GPC5: variants seen among roughly 807,000 people sequenced by gnomAD.
The protein encoded by GPC5 is glypican 5.
In GPC5, 47 loss-of-function variants were observed where a neutral mutation model predicts 53.9. The ratio of observed to expected loss-of-function variants is 0.87; its 90% CI spans 0.69 to 1.11. The LOEUF is 1.11. GPC5 is among the 50% of genes most tolerant of loss of function. The pLI, the probability that GPC5 is intolerant of heterozygous loss-of-function variation, is 0.00. For missense variants in GPC5, 748 were observed against 713.1 expected (o/e 1.05, Z -0.56); for synonymous variants, 286 against 263.3 (o/e 1.09, Z -0.84).
intron 7 of GPC5, among the ~76,000 whole-genome samples, chr13:92,749,973 GGTTCACT>G (rs1889339523): frequency 6.6e-6 from 1 of 152,120 alleles, no homozygotes; most frequent in East Asian, 1.9e-4. Context: ...GCCAGAGGCT[GGTTCACT>G]GAGCTATGCA....
intron 7 of GPC5, among the ~76,000 whole-genome samples, chr13:92,290,068 T>A (rs996658119): frequency 1.3e-5 from 2 of 152,170 alleles, no homozygotes; most frequent in African/African-American, 4.8e-5. Context: ...TAAATACTTA[T>A]TCAACTGGCA....
intron 5 of GPC5, among the ~76,000 whole-genome samples, chr13:91,757,403 A>T (rs1328195826): frequency 6.6e-6 from 1 of 152,102 alleles, no homozygotes; most frequent in East Asian, 1.9e-4. Flanking sequence ...TTTCTGACAG[A>T]TATGGTTTGG....
chr13:92,141,846 T>C (rs553146631), intron 6 of GPC5, among the ~76,000 whole-genome samples: 2 of 152,056 alleles, frequency 1.3e-5, no homozygotes, highest in Non-Finnish European at 2.9e-5. Flanking sequence ...AGACTTCAAT[T>C]CCTTGCTGGC....
chr13:91,541,926 A>G (rs1481582939), intron 2 of GPC5, among the ~76,000 whole-genome samples: 1 of 151,270 alleles, frequency 6.6e-6, no homozygotes, highest in Non-Finnish European at 1.5e-5. Context: ...AATTTTCTTT[A>G]TTCTATGTTA....
At chr13:91,460,048 G>T (rs923063838) in intron 2 of GPC5, among the ~76,000 whole-genome samples, 21 of 152,052 alleles carry the variant, frequency 1.4e-4, no homozygotes, top group Admixed American at 3.3e-4. Context: ...TTGTATATGA[G>T]AAATTTGTTT....
At chr13:91,671,832 A>C (rs1246082672) in intron 2 of GPC5, among the ~76,000 whole-genome samples, 4 of 149,814 alleles carry the variant, frequency 2.7e-5, no homozygotes, top group African/African-American at 4.9e-5. Flanking sequence ...ACGCTACCAG[A>C]CTTCAAACTA....
intron 6 of GPC5, among the ~76,000 whole-genome samples, chr13:92,089,514 A>G (rs1446550838): frequency 2.0e-5 from 3 of 152,182 alleles, no homozygotes; most frequent in Non-Finnish European, 4.4e-5. Flanking sequence ...GTTTTTTTAC[A>G]TATTTTAAAT....
chr13:92,603,365 C>T (rs1434340598), intron 7 of GPC5, among the ~76,000 whole-genome samples: 1 of 152,070 alleles, frequency 6.6e-6, no homozygotes, highest in Non-Finnish European at 1.5e-5. Flanking sequence ...TTCTCAAATC[C>T]CAGAACCACT....
intron 7 of GPC5, among the ~76,000 whole-genome samples, chr13:92,548,505 T>G (rs1267233569): frequency 1.3e-5 from 2 of 151,862 alleles, no homozygotes; most frequent in Admixed American, 6.6e-5. Flanking sequence ...CAATAAAATA[T>G]CCAAGCCTTT....
intron 5 of GPC5, among the ~76,000 whole-genome samples, chr13:91,898,045 T>A (rs1407583865): frequency 6.6e-6 from 1 of 152,184 alleles, no homozygotes; most frequent in African/African-American, 2.4e-5. Flanking sequence ...TCTTCTAAGT[T>A]ATCAAAGATT....
intron 7 of GPC5, among the ~76,000 whole-genome samples, chr13:92,204,334 GA>G (rs1366281599): frequency 6.6e-6 from 1 of 152,148 alleles, no homozygotes; most frequent in Non-Finnish European, 1.5e-5. Flanking sequence ...ATACAAGCTA[GA>G]AAAAATAAAT....
At chr13:92,642,106 G>A (rs1046540476) in intron 7 of GPC5, among the ~76,000 whole-genome samples, 1 of 152,112 alleles carries the variant, frequency 6.6e-6, no homozygotes, top group African/African-American at 2.4e-5. Context: ...TATAATGTAG[G>A]TATATAACGG....
chr13:92,003,161 A>G (rs996280664), intron 6 of GPC5, among the ~76,000 whole-genome samples: 4 of 151,890 alleles, frequency 2.6e-5, no homozygotes, highest in African/African-American at 7.3e-5. Flanking sequence ...AAATACAAAA[A>G]TTAGCTGGGC....
At chr13:92,539,788 T>A (rs951765847) in intron 7 of GPC5, among the ~76,000 whole-genome samples, 1 of 152,006 alleles carries the variant, frequency 6.6e-6, no homozygotes, top group African/African-American at 2.4e-5. Context: ...CACATTTTGA[T>A]CATGTCTTCT....
chr13:92,270,901 T>C (rs1160235176), intron 7 of GPC5, among the ~76,000 whole-genome samples: 1 of 152,196 alleles, frequency 6.6e-6, no homozygotes, highest in African/African-American at 2.4e-5. Context: ...ATAATCTTGC[T>C]TTGTATTTGA....
At chr13:92,053,552 G>A (rs7490573) in intron 6 of GPC5, among the ~76,000 whole-genome samples, 79,986 of 151,636 alleles carry the variant, frequency 0.53, 21,657 homozygotes, top group East Asian at 0.79. Flanking sequence ...GGTTTGGGTC[G>A]TCTTTCTTTC....
At chr13:91,496,115 T>C (rs149127061) in intron 2 of GPC5, among the ~76,000 whole-genome samples, 10 of 149,934 alleles carry the variant, frequency 6.7e-5, no homozygotes, top group Non-Finnish European at 1.2e-4. Flanking sequence ...AGTGCAATAT[T>C]AGTATTAAGT....
intron 6 of GPC5, among the ~76,000 whole-genome samples, chr13:92,100,667 C>T (rs947329380): frequency 6.6e-6 from 1 of 152,140 alleles, no homozygotes; most frequent in Admixed American, 6.5e-5. Flanking sequence ...CTTGAATTGG[C>T]ATTTTATATC....
intron 7 of GPC5, among the ~76,000 whole-genome samples, chr13:92,499,856 T>G (rs2138929659): frequency 6.6e-6 from 1 of 152,288 alleles, no homozygotes; most frequent in South Asian, 2.1e-4. Context: ...CAGCTTTGAC[T>G]CAATTTTTAC....
Sources: gnomAD v4.1 joint callset for allele counts (sites outside exome capture counted in the v4.1 genomes callset) on GRCh38, gnomAD v4.1.1 for gene constraint, MANE v1.5 for transcripts, NCBI Gene and HGNC (gene_info 2026-07-23, HGNC 2026-07-21) for gene names.